The following CTNNA3 variants were observed in gnomAD, a reference collection of about 807,000 sequenced individuals.
CTNNA3 encodes catenin alpha-3.
A neutral mutation model predicts 95.7 loss-of-function variants in CTNNA3; 76 were observed. The observed-to-expected ratio is 0.79, with a 90% CI of 0.66 to 0.96. CTNNA3 has a LOEUF of 0.96. Ranked by LOEUF, CTNNA3 falls within the 40% of genes least tolerant of loss-of-function variation. CTNNA3 has a pLI of 0.00. For synonymous variants in CTNNA3, 431 were observed against 374.4 expected, an observed-to-expected ratio of 1.15 and a Z score of -1.74; for missense variants, 1,191 against 1,089.8, an observed-to-expected ratio of 1.09 and a Z score of -1.31.
At chr10:66,136,144 C>T (rs2083334942) in intron 13 of CTNNA3, among the ~76,000 whole-genome samples, 2 of 152,082 alleles carry the variant, frequency 1.3e-5, no homozygotes, top group Admixed American at 1.3e-4. Flanking sequence ...CCTTGTGATC[C>T]GTCCTTCTCG....
chr10:66,213,357 T>G (rs1235631715), intron 13 of CTNNA3, among the ~76,000 whole-genome samples: 1 of 152,184 alleles, frequency 6.6e-6, no homozygotes, highest in African/African-American at 2.4e-5. Flanking sequence ...CATCTGACTA[T>G]AGCATTATAG....
At chr10:67,045,941 CA>C (rs1854717927) in intron 7 of CTNNA3, among the ~76,000 whole-genome samples, 1 of 152,156 alleles carries the variant, frequency 6.6e-6, no homozygotes, top group Middle Eastern at 3.2e-3. Flanking sequence ...TCGAGTAGGT[CA>C]GATTTCTTTT....
intron 9 of CTNNA3, among the ~76,000 whole-genome samples, chr10:66,634,992 T>C (rs1207931659): frequency 1.3e-5 from 2 of 152,124 alleles, no homozygotes; most frequent in Non-Finnish European, 2.9e-5. Flanking sequence ...AAGAGTCCCA[T>C]TTTGCCAAAT....
chr10:67,763,155 A>T (rs1841471440), intron 1 of CTNNA3, among the ~76,000 whole-genome samples: 1 of 152,218 alleles, frequency 6.6e-6, no homozygotes, highest in Admixed American at 6.5e-5. Context: ...TATTGGAAAA[A>T]GTGCAAGTGA....
intron 6 of CTNNA3, among the ~76,000 whole-genome samples, chr10:67,212,116 A>G (rs74142427): frequency 6.6e-6 from 1 of 152,054 alleles, no homozygotes; most frequent in Admixed American, 6.5e-5. Context: ...CAGATTTACC[A>G]CCCATTTTAA....
chr10:66,196,453 C>T (rs562193768), intron 13 of CTNNA3, among the ~76,000 whole-genome samples: 1 of 152,286 alleles, frequency 6.6e-6, no homozygotes, highest in East Asian at 1.9e-4. Flanking sequence ...GAGGACATCA[C>T]GTCTTTAGGG....
At chr10:67,569,671 TGGGTCTG>T (rs1841921370) in intron 3 of CTNNA3, among the ~76,000 whole-genome samples, 1 of 152,142 alleles carries the variant, frequency 6.6e-6, no homozygotes, top group South Asian at 2.1e-4. Flanking sequence ...TCACAGAAGA[TGGGTCTG>T]AAAATTATTG....
upstream of CTNNA3, among the ~76,000 whole-genome samples, chr10:67,701,133 C>A (rs1479062861): frequency 7.9e-5 from 12 of 152,080 alleles, no homozygotes; most frequent in Non-Finnish European, 1.8e-4. Flanking sequence ...TGTGAAAAGA[C>A]CAAATCTACG....
At chr10:66,829,074 T>G (rs1222475236) in intron 7 of CTNNA3, among the ~76,000 whole-genome samples, 1 of 152,246 alleles carries the variant, frequency 6.6e-6, no homozygotes, top group African/African-American at 2.4e-5. Flanking sequence ...AGGTGTGTCT[T>G]TGCTTAAACA....
At chr10:67,753,467 G>T (rs1841417749) in intron 1 of CTNNA3, among the ~76,000 whole-genome samples, 1 of 152,004 alleles carries the variant, frequency 6.6e-6, no homozygotes, top group East Asian at 1.9e-4. Context: ...TGACAAATAG[G>T]ACCTAATTAA....
intron 15 of CTNNA3, among the ~76,000 whole-genome samples, chr10:66,013,116 G>T (rs2079035715): frequency 6.6e-6 from 1 of 152,206 alleles, no homozygotes; most frequent in East Asian, 1.9e-4. Flanking sequence ...GGCCAGGCTG[G>T]TCTTGAACTC....
chr10:67,252,110 C>A (rs142795790), intron 5 of CTNNA3, among the ~76,000 whole-genome samples: 13 of 151,212 alleles, frequency 8.6e-5, no homozygotes, highest in African/African-American at 2.4e-4. Context: ...ACTTGGGAGG[C>A]TGAGGTGGGA....
chr10:67,030,245 C>T (rs989887532), intron 7 of CTNNA3, among the ~76,000 whole-genome samples: 1 of 152,182 alleles, frequency 6.6e-6, no homozygotes, highest in South Asian at 2.1e-4. Flanking sequence ...TTCTGCTCTA[C>T]ATAATGGTGC....
intron 1 of CTNNA3, among the ~76,000 whole-genome samples, chr10:67,676,685 C>T (rs1401662964): frequency 6.6e-6 from 1 of 152,142 alleles, no homozygotes; most frequent in Non-Finnish European, 1.5e-5. Context: ...GAAGCTGACT[C>T]CCCATAGTTC....
At chr10:66,212,298 T>C (rs1385451269) in intron 13 of CTNNA3, among the ~76,000 whole-genome samples, 2 of 152,102 alleles carry the variant, frequency 1.3e-5, no homozygotes, top group Admixed American at 6.6e-5. Flanking sequence ...CCAGCAACTA[T>C]TGTTTCTTAA....
At chr10:67,445,086 C>T (rs1846690977) in intron 5 of CTNNA3, among the ~76,000 whole-genome samples, 1 of 151,936 alleles carries the variant, frequency 6.6e-6, no homozygotes, top group East Asian at 1.9e-4. Context: ...CTTCCAAACT[C>T]ATTCCATGAG....
At chr10:66,690,483 A>T (rs1284107308) in intron 9 of CTNNA3, among the ~76,000 whole-genome samples, 1 of 90,364 alleles carries the variant, frequency 1.1e-5, no homozygotes, top group Non-Finnish European at 2.3e-5. Context: ...CCGTCCCCCC[A>T]CCCCACAACA....
At chr10:65,986,823 T>C (rs1015469829) in intron 16 of CTNNA3, among the ~76,000 whole-genome samples, 1 of 150,720 alleles carries the variant, frequency 6.6e-6, no homozygotes, top group African/African-American at 2.4e-5. Flanking sequence ...TACAAAGATA[T>C]AGTAACTAAA....
intron 1 of CTNNA3, among the ~76,000 whole-genome samples, chr10:67,728,415 T>C (rs948391609): frequency 2.7e-5 from 4 of 147,666 alleles, no homozygotes; most frequent in Admixed American, 6.8e-5. Context: ...TAATATATAC[T>C]ATATGTATGT....
Sources: gnomAD v4.1 joint callset for allele counts (sites outside exome capture counted in the v4.1 genomes callset) on GRCh38, gnomAD v4.1.1 for gene constraint, MANE v1.5 for transcripts, NCBI Gene and HGNC (gene_info 2026-07-23, HGNC 2026-07-21) for gene names.